The following PTPRD variants were observed in gnomAD, a reference collection of about 807,000 sequenced individuals.
The protein encoded by PTPRD is protein tyrosine phosphatase receptor type D.
In PTPRD, 34 loss-of-function variants were observed where a neutral mutation model predicts 214.5. That is an observed-to-expected ratio of 0.16 (90% confidence interval 0.12 to 0.21). PTPRD has a LOEUF of 0.21. Ranked by LOEUF, PTPRD falls within the 10% of genes least tolerant of loss-of-function variation. The pLI, the probability that PTPRD is intolerant of heterozygous loss-of-function variation, is 1.00. For missense variants in PTPRD, 2,545 were observed against 2,398.7 expected (o/e 1.06, Z -1.27); for synonymous variants, 1,128 against 845.7 (o/e 1.33, Z -5.79).
At position 10,190,415 on chromosome 9, in the gene PTPRD, AAAAAAC is replaced by A. The variant is rs1564422162; in HGVS notation, c.-545+150542_-545+150547del. On this transcript the variant is annotated intron_variant, in intron 3 of 45. Transcript: ENST00000381196. ...AAAAAAAAAAAAAAAAAAAAAAAAAAAAAAACAAAAAGTCAAAGTGGGCCAGGCGCT... is the reference window on the plus strand; with the variant it reads ...AAAAAAAAAAAAAAAAAAAAAAAAAAAAAAAGTCAAAGTGGGCCAGGCGCT... 4.8e-4 allele frequency among the ~76,000 whole-genome samples: 42 copies of A among 87,392 alleles called. 2 individuals carry two copies. Among genetic ancestry groups the A allele is most frequent in the African/African-American group, 2.6e-3 (36 of 14,038 alleles). 57.3% of individuals were successfully genotyped at this position (87,392 alleles called of 152,430 possible). A position where few individuals can be genotyped will look rare whatever the true frequency, so the allele number is the denominator to read the frequency against.
At chr9:8,745,166 C>T (rs2092650615) in intron 11 of PTPRD, among the ~76,000 whole-genome samples, 1 of 152,170 alleles carries the variant, frequency 6.6e-6, no homozygotes, top group Non-Finnish European at 1.5e-5. Context: ...GGGCAACCCT[C>T]TCATTTAACA....
intron 3 of PTPRD, among the ~76,000 whole-genome samples, chr9:10,208,485 G>A (rs933515034): frequency 6.6e-6 from 1 of 152,230 alleles, no homozygotes; most frequent in African/African-American, 2.4e-5. Flanking sequence ...CTGCACTCCA[G>A]CCTGGGCGAC....
chr9:9,678,173 C>T (rs2211135), intron 7 of PTPRD, among the ~76,000 whole-genome samples: 125 of 152,200 alleles, frequency 8.2e-4, no homozygotes, highest in African/African-American at 2.9e-3. Context: ...AATGCCATCC[C>T]CATCAAGCTA....
At chr9:9,938,668 T>C (rs1380700405) in intron 4 of PTPRD, 58 bp from the exon 5 acceptor site, 1 of 152,136 alleles carries the variant, frequency 6.6e-6, no homozygotes, top group Non-Finnish European at 1.5e-5. Context: ...CAATAAGATA[T>C]TCATTATGTT....
At chr9:9,521,332 C>A (rs2096966834) in intron 8 of PTPRD, among the ~76,000 whole-genome samples, 2 of 152,150 alleles carry the variant, frequency 1.3e-5, no homozygotes, top group African/African-American at 4.8e-5. Flanking sequence ...TGACATTCCA[C>A]CTCTGCTACT....
intron 8 of PTPRD, among the ~76,000 whole-genome samples, chr9:9,487,575 C>A (rs544893611): frequency 1.1e-4 from 17 of 149,848 alleles, no homozygotes; most frequent in African/African-American, 3.9e-4. Context: ...TCAAAAAAAT[C>A]TTAGTTTTTC....
intron 9 of PTPRD, among the ~76,000 whole-genome samples, chr9:9,334,632 A>C (rs2043701884): frequency 6.6e-6 from 1 of 152,024 alleles, no homozygotes; most frequent in Non-Finnish European, 1.5e-5. Context: ...AACTCCATCT[A>C]TAAAATGGAT....
intron 9 of PTPRD, among the ~76,000 whole-genome samples, chr9:9,210,072 A>C (rs2099947533): frequency 6.6e-6 from 1 of 152,060 alleles, no homozygotes; most frequent in South Asian, 2.1e-4. Flanking sequence ...CCAGCGGAAA[A>C]TGTTTTCATT....
At chr9:10,546,465 G>T (rs763014589) in intron 2 of PTPRD, among the ~76,000 whole-genome samples, 3 of 149,000 alleles carry the variant, frequency 2.0e-5, no homozygotes, top group Non-Finnish European at 4.4e-5. Context: ...AAGTCACAGA[G>T]AAATCTTTAC....
chr9:9,766,564 A>G (rs1304154577), intron 6 of PTPRD, among the ~76,000 whole-genome samples: 6 of 152,156 alleles, frequency 3.9e-5, no homozygotes, highest in Non-Finnish European at 7.4e-5. Context: ...TTGCAAGAGC[A>G]TTAGTGTTAA....
intron 3 of PTPRD, among the ~76,000 whole-genome samples, chr9:10,293,110 C>T (rs1004146893): frequency 4.0e-5 from 6 of 151,774 alleles, no homozygotes; most frequent in African/African-American, 1.5e-4. Context: ...GTAGTATAAC[C>T]AGGATCATGC....
intron 10 of PTPRD, among the ~76,000 whole-genome samples, chr9:9,075,587 T>A (rs2099749843): frequency 5.3e-5 from 8 of 151,746 alleles, no homozygotes; most frequent in Admixed American, 5.3e-4. Context: ...CAGGCCCTGA[T>A]GTGTGATGTT....
At chr9:9,128,570 G>A (rs1244386978) in intron 10 of PTPRD, among the ~76,000 whole-genome samples, 3 of 152,180 alleles carry the variant, frequency 2.0e-5, no homozygotes, top group African/African-American at 7.2e-5. Context: ...AACAGATTTG[G>A]GGGCTGTAAG....
chr9:10,020,615 G>T (rs2096830528), intron 4 of PTPRD, among the ~76,000 whole-genome samples: 1 of 33,954 alleles, frequency 2.9e-5, no homozygotes, highest in Non-Finnish European at 6.0e-5. Flanking sequence ...AATGTGACTG[G>T]AAAATCCTAT....
intron 2 of PTPRD, among the ~76,000 whole-genome samples, chr9:10,451,418 T>G (rs1332669182): frequency 6.6e-6 from 1 of 151,862 alleles, no homozygotes; most frequent in Non-Finnish European, 1.5e-5. Context: ...TGGCTTTTTC[T>G]TTTTTAATAC....
At chr9:10,209,820 A>C (rs1156978771) in intron 3 of PTPRD, among the ~76,000 whole-genome samples, 1 of 152,184 alleles carries the variant, frequency 6.6e-6, no homozygotes, top group Non-Finnish European at 1.5e-5. Flanking sequence ...ACATCAAAAA[A>C]GGGAAATTTT....
At chr9:10,198,086 A>C (rs2099404977) in intron 3 of PTPRD, among the ~76,000 whole-genome samples, 1 of 152,118 alleles carries the variant, frequency 6.6e-6, no homozygotes, top group Non-Finnish European at 1.5e-5. Flanking sequence ...AGAAGAATAA[A>C]TCTTTCTTCT....
chr9:8,790,482 A>G (rs1418045649), intron 11 of PTPRD, among the ~76,000 whole-genome samples: 1 of 151,938 alleles, frequency 6.6e-6, no homozygotes, highest in East Asian at 1.9e-4. Context: ...CAGTGGTGCG[A>G]TCTTGGCTCA....
intron 11 of PTPRD, among the ~76,000 whole-genome samples, chr9:8,787,937 C>G (rs1430125167): frequency 6.6e-6 from 1 of 152,100 alleles, no homozygotes; most frequent in Non-Finnish European, 1.5e-5. Context: ...CATTTTAACC[C>G]TATCTACAAG....
Sources: gnomAD v4.1 joint callset for allele counts (sites outside exome capture counted in the v4.1 genomes callset) on GRCh38, gnomAD v4.1.1 for gene constraint, MANE v1.5 for transcripts, NCBI Gene and HGNC (gene_info 2026-07-23, HGNC 2026-07-21) for gene names.